MAGI2: variants seen among roughly 807,000 people sequenced by gnomAD.
MAGI2 encodes the protein membrane-associated guanylate kinase, WW and PDZ domain-containing protein 2.
MAGI2 carries 35 observed loss-of-function variants against 133.3 expected under a neutral mutation model. The ratio of observed to expected loss-of-function variants is 0.26; its 90% CI spans 0.20 to 0.35. The LOEUF (loss-of-function observed/expected upper bound fraction) is 0.35, where lower values mean the gene tolerates loss of function less well. Ranked by LOEUF, MAGI2 falls within the 10% of genes least tolerant of loss-of-function variation. The probability of loss-of-function intolerance (pLI) is 1.00; values close to 1 mark genes in which losing one functional copy is unlikely to be tolerated. For synonymous variants in MAGI2, 729 were observed against 710.6 expected, an observed-to-expected ratio of 1.03 and a Z score of -0.41; for missense variants, 1,636 against 1,863.4, an observed-to-expected ratio of 0.88 and a Z score of 2.25.
intron 6 of MAGI2, among the ~76,000 whole-genome samples, chr7:78,370,488 A>G (rs1793810238): frequency 6.6e-6 from 1 of 151,968 alleles, no homozygotes; most frequent in Admixed American, 6.6e-5. Context: ...ACTAAAATGT[A>G]AATCTTTTAT....
intron 21 of MAGI2, among the ~76,000 whole-genome samples, chr7:78,070,212 TATATATACACACAC>T (rs1245175249): frequency 2.3e-4 from 13 of 56,480 alleles, no homozygotes; most frequent in African/African-American, 6.1e-4. Context: ...TATATATATA[TATATATACACACAC>T]ACACACAGAC....
intron 13 of MAGI2, among the ~76,000 whole-genome samples, chr7:78,181,229 T>C (rs1827162048): frequency 6.6e-6 from 1 of 152,130 alleles, no homozygotes; most frequent in African/African-American, 2.4e-5. Context: ...GGCCATCTCT[T>C]TACCTCACTG....
At chr7:79,066,596 GA>G (rs1303159930) in intron 1 of MAGI2, among the ~76,000 whole-genome samples, 1 of 152,068 alleles carries the variant, frequency 6.6e-6, no homozygotes, top group African/African-American at 2.4e-5. Context: ...TTGCTGTGCA[GA>G]AGCTCTTTAG....
At chr7:78,730,858 T>C (rs1821304307) in intron 2 of MAGI2, among the ~76,000 whole-genome samples, 1 of 152,134 alleles carries the variant, frequency 6.6e-6, no homozygotes, top group South Asian at 2.1e-4. Flanking sequence ...TCTTTGGCTT[T>C]CTCCCTGGGT....
At chr7:78,576,633 G>C (rs565273771) in intron 3 of MAGI2, among the ~76,000 whole-genome samples, 7 of 151,732 alleles carry the variant, frequency 4.6e-5, no homozygotes, top group African/African-American at 1.7e-4. Context: ...AGGAAAATCT[G>C]AACAGACAGG....
chr7:78,186,793 C>G (rs1235597009), intron 12 of MAGI2, among the ~76,000 whole-genome samples: 1 of 152,192 alleles, frequency 6.6e-6, no homozygotes, highest in East Asian at 1.9e-4. Context: ...AAAACACTTT[C>G]TTATTTCATT....
chr7:78,339,636 C>T (rs1231464028), intron 9 of MAGI2, among the ~76,000 whole-genome samples: 4 of 152,114 alleles, frequency 2.6e-5, no homozygotes, highest in African/African-American at 9.7e-5. Context: ...ATTAGTCCCA[C>T]AATTTTGTCT....
At chr7:78,528,275 A>C (rs1434867545) in intron 3 of MAGI2, among the ~76,000 whole-genome samples, 1 of 152,206 alleles carries the variant, frequency 6.6e-6, no homozygotes, top group Non-Finnish European at 1.5e-5. Context: ...AACAGAGAAA[A>C]GATTTAGGGT....
At chr7:79,093,674 TTCTTTC>T (rs367954400) in intron 1 of MAGI2, among the ~76,000 whole-genome samples, 6,528 of 149,758 alleles carry the variant, frequency 0.044, 214 homozygotes, top group African/African-American at 0.083. Context: ...CAATTTCTTT[TTCTTTC>T]TCTTTCTCTT....
chr7:79,270,757 G>A (rs1022584542), intron 1 of MAGI2, among the ~76,000 whole-genome samples: 1 of 151,458 alleles, frequency 6.6e-6, no homozygotes, highest in Non-Finnish European at 1.5e-5. Context: ...TTTTTAACTA[G>A]GATAAGAATA....
At chr7:79,204,057 G>A (rs1443810004) in intron 1 of MAGI2, among the ~76,000 whole-genome samples, 1 of 151,996 alleles carries the variant, frequency 6.6e-6, no homozygotes, top group Admixed American at 6.6e-5. Context: ...CCAACCCAAG[G>A]TGCCACAGCA....
chr7:78,467,780 A>G (rs562506836), intron 6 of MAGI2, among the ~76,000 whole-genome samples: 2 of 152,162 alleles, frequency 1.3e-5, no homozygotes, highest in Non-Finnish European at 2.9e-5. Context: ...ATAGCAGAAC[A>G]TTAGGAGAAA....
intron 1 of MAGI2, among the ~76,000 whole-genome samples, chr7:79,187,190 T>C (rs1827248571): frequency 6.6e-6 from 1 of 151,762 alleles, no homozygotes; most frequent in Non-Finnish European, 1.5e-5. Context: ...ATGATGACTT[T>C]AAAATGTATA....
At chr7:78,962,167 A>G (rs1292616980) in intron 2 of MAGI2, among the ~76,000 whole-genome samples, 1 of 152,058 alleles carries the variant, frequency 6.6e-6, no homozygotes, top group African/African-American at 2.4e-5. Context: ...CTAGTTTTCT[A>G]TCTGGAAACA....
intron 2 of MAGI2, among the ~76,000 whole-genome samples, chr7:78,659,476 AC>A (rs1455285482): frequency 6.6e-6 from 1 of 151,170 alleles, no homozygotes; most frequent in Non-Finnish European, 1.5e-5. Context: ...AACAAAGAAA[AC>A]CCTGTAAGAA....
intron 9 of MAGI2, among the ~76,000 whole-genome samples, chr7:78,287,250 A>T (rs530444421): frequency 1.3e-5 from 2 of 152,270 alleles, no homozygotes; most frequent in Admixed American, 1.3e-4. Flanking sequence ...CTGAAGAGGG[A>T]TTGTCAAGGT....
intron 20 of MAGI2, among the ~76,000 whole-genome samples, chr7:78,109,272 C>G (rs1819068047): frequency 8.6e-6 from 1 of 115,694 alleles, no homozygotes; most frequent in African/African-American, 3.4e-5. Context: ...CCACTGCAGT[C>G]CAGCCTGGGC....
chr7:78,684,044 T>C (rs1264493733), intron 2 of MAGI2, among the ~76,000 whole-genome samples: 1 of 152,158 alleles, frequency 6.6e-6, no homozygotes, highest in Non-Finnish European at 1.5e-5. Context: ...TCACGTAAGG[T>C]TGTTTTCATA....
intron 2 of MAGI2, among the ~76,000 whole-genome samples, chr7:78,679,404 C>T (rs1318012159): frequency 6.6e-6 from 1 of 152,110 alleles, no homozygotes; most frequent in African/African-American, 2.4e-5. Context: ...ATGCCTAGAA[C>T]ATATCACGGT....
Sources: allele counts gnomAD v4.1 joint callset (sites outside exome capture counted in the v4.1 genomes callset), GRCh38; gene constraint gnomAD v4.1.1; transcripts MANE v1.5; gene names NCBI Gene and HGNC (gene_info 2026-07-23, HGNC 2026-07-21).